Variants in RGS5 observed in about 807,000 individuals in gnomAD.
RGS5 encodes the protein regulator of G-protein signalling 5.
A neutral mutation model predicts 18.9 loss-of-function variants in RGS5; 20 were observed. The ratio of observed to expected loss-of-function variants is 1.06; its 90% CI spans 0.74 to 1.54. The LOEUF is 1.54. RGS5 is among the 40% of genes most tolerant of loss of function. The probability of loss-of-function intolerance (pLI) is 0.00; values close to 1 mark genes in which losing one functional copy is unlikely to be tolerated. For synonymous variants in RGS5, 57 were observed against 76.2 expected (o/e 0.75, Z 1.31); for missense variants, 201 against 211.8 (o/e 0.95, Z 0.32).
chr1:163,233,984 T>C (rs147225744), intron 2 of RGS5, among the ~76,000 whole-genome samples: 1 of 152,318 alleles, frequency 6.6e-6, no homozygotes, highest in East Asian at 1.9e-4. Context: ...TCTGGATGTA[T>C]ACGTGCAGGT....
At chr1:163,310,283 T>C (rs938466492) in intron 1 of RGS5, among the ~76,000 whole-genome samples, 3 of 152,164 alleles carry the variant, frequency 2.0e-5, no homozygotes, top group African/African-American at 7.2e-5. Context: ...TTCTCTTCTC[T>C]AGCTATGAAA....
chr1:163,222,505 A>G (rs1647249610), upstream of RGS5, among the ~76,000 whole-genome samples: 1 of 152,190 alleles, frequency 6.6e-6, no homozygotes. Flanking sequence ...CTGGTGGACC[A>G]AAGTGGTGAT....
intron 2 of RGS5, among the ~76,000 whole-genome samples, chr1:163,226,733 A>G (rs555579141): frequency 6.6e-6 from 1 of 152,342 alleles, no homozygotes; most frequent in African/African-American, 2.4e-5. Context: ...AAATAGGGCT[A>G]AGTTTTATGT....
At chr1:163,213,882 G>A (rs189358171) in intron 1 of RGS5, among the ~76,000 whole-genome samples, 48 of 152,116 alleles carry the variant, frequency 3.2e-4, no homozygotes, top group South Asian at 1.5e-3. Flanking sequence ...CCAGAATTTC[G>A]TCATTACCAG....
intron 2 of RGS5, among the ~76,000 whole-genome samples, chr1:163,280,730 T>G (rs1473038275): frequency 6.6e-6 from 1 of 152,096 alleles, no homozygotes; most frequent in African/African-American, 2.4e-5. Flanking sequence ...CCCAAAGTAA[T>G]CTACACATTC....
chr1:163,319,441 T>A (rs1650126083), intron 1 of RGS5: 1 of 152,116 alleles, frequency 6.6e-6, no homozygotes, highest in South Asian at 2.1e-4. Flanking sequence ...GGAAGAGGAA[T>A]GAAGAAAGGG....
chr1:163,152,501 T>G, intron 4 of RGS5, 49 bp downstream of exon 4: 2 of 1,543,988 alleles, frequency 1.3e-6, no homozygotes, highest in Non-Finnish European at 1.7e-6. Context: ...AAATCCTTCC[T>G]GAGAGCTAAT....
chr1:163,162,554 T>C (rs1166690729), intron 2 of RGS5, among the ~76,000 whole-genome samples: 1 of 152,098 alleles, frequency 6.6e-6, no homozygotes, highest in East Asian at 1.9e-4. Context: ...CCTACCCACT[T>C]ATAACAGGAT....
At chr1:163,252,174 C>T (rs1648128047) in intron 2 of RGS5, among the ~76,000 whole-genome samples, 1 of 152,160 alleles carries the variant, frequency 6.6e-6, no homozygotes, top group Non-Finnish European at 1.5e-5. Flanking sequence ...CTTGGTATTG[C>T]ATGTCTCTCT....
At chr1:163,162,167 T>A (rs560497225) in intron 2 of RGS5, among the ~76,000 whole-genome samples, 191 bp from the exon 3 acceptor site, 1 of 152,340 alleles carries the variant, frequency 6.6e-6, no homozygotes, top group South Asian at 2.1e-4. Flanking sequence ...CTTTCATACA[T>A]CTTTATTGCA....
chr1:163,317,847 C>CT (rs908637407), intron 1 of RGS5, among the ~76,000 whole-genome samples: 182 of 144,586 alleles, frequency 1.3e-3, no homozygotes, highest in African/African-American at 3.2e-3. Flanking sequence ...ACTGAACTGC[C>CT]TTTTTTTTTT....
chr1:163,238,341 A>G (rs1442462350), intron 2 of RGS5, among the ~76,000 whole-genome samples: 1 of 152,248 alleles, frequency 6.6e-6, no homozygotes. Flanking sequence ...TGAACAGGAT[A>G]AATTAGAACA....
chr1:163,270,953 C>G (rs1340881624), intron 2 of RGS5, among the ~76,000 whole-genome samples: 4 of 152,070 alleles, frequency 2.6e-5, no homozygotes, highest in African/African-American at 4.8e-5. Flanking sequence ...AAAATAGATA[C>G]AGCTTTGTTG....
intron 3 of RGS5, among the ~76,000 whole-genome samples, chr1:163,161,458 A>G (rs971316078): frequency 7.2e-5 from 11 of 152,204 alleles, no homozygotes; most frequent in Non-Finnish European, 1.6e-4. Context: ...ATAACAACCC[A>G]TGTCAGGTCA....
intron 1 of RGS5, among the ~76,000 whole-genome samples, chr1:163,197,344 TAG>T (rs964609399): frequency 6.6e-6 from 1 of 152,068 alleles, no homozygotes; most frequent in African/African-American, 2.4e-5. Flanking sequence ...TCTGTCCTCT[TAG>T]ACTTTCTTCA....
chr1:163,170,884 C>G (rs1658269499), intron 1 of RGS5, among the ~76,000 whole-genome samples: 1 of 152,096 alleles, frequency 6.6e-6, no homozygotes, highest in African/African-American at 2.4e-5. Flanking sequence ...GCTTTAATTC[C>G]AAGTGTTGCA....
intron 1 of RGS5, chr1:163,211,843 C>T (rs532842227): frequency 6.6e-6 from 1 of 152,182 alleles, no homozygotes; most frequent in African/African-American, 2.4e-5. Context: ...TATTTATCCT[C>T]AAGGTCAGTA....
intron 2 of RGS5, among the ~76,000 whole-genome samples, chr1:163,295,941 C>T (rs190073345): frequency 5.3e-5 from 8 of 151,982 alleles, no homozygotes; most frequent in African/African-American, 1.7e-4. Context: ...TCTGTTTTCA[C>T]AGAAATGGGC....
At chr1:163,203,993 G>A (rs1396545), upstream of RGS5, among the ~76,000 whole-genome samples, 2,299 of 152,178 alleles carry the variant, frequency 0.015, 49 homozygotes, top group African/African-American at 0.052. Context: ...ATTTGGAATT[G>A]AACAGTACTC....
Sources: allele counts gnomAD v4.1 joint callset (sites outside exome capture counted in the v4.1 genomes callset), GRCh38; gene constraint gnomAD v4.1.1; transcripts MANE v1.5; gene names NCBI Gene and HGNC (gene_info 2026-07-23, HGNC 2026-07-21).